The following FCHSD2 variants were observed in gnomAD, a reference collection of about 807,000 sequenced individuals.
The protein encoded by FCHSD2 is FCH and double SH3 domains 2, also known as F-BAR and double SH3 domains protein 2.
FCHSD2 carries 38 observed loss-of-function variants against 108.1 expected under a neutral mutation model. That is an observed-to-expected ratio of 0.35 (90% CI 0.27 to 0.46). The LOEUF is 0.46. FCHSD2 is among the 20% of genes least tolerant of loss of function. The pLI, the probability that FCHSD2 is intolerant of heterozygous loss-of-function variation, is 1.00. For synonymous variants in FCHSD2, 279 were observed against 314.7 expected (o/e 0.89, Z 1.20); for missense variants, 751 against 897.8 (o/e 0.84, Z 2.09).
chr11:73,106,175 T>C (rs1860337388), intron 2 of FCHSD2, among the ~76,000 whole-genome samples: 2 of 151,796 alleles, frequency 1.3e-5, no homozygotes, highest in Non-Finnish European at 2.9e-5. Flanking sequence ...GGGAGAAACA[T>C]AAAAGGAGGA....
intron 3 of FCHSD2, among the ~76,000 whole-genome samples, chr11:73,074,494 A>C (rs117181194): frequency 0.038 from 5,841 of 152,324 alleles, 137 homozygotes; most frequent in Non-Finnish European, 0.059. Context: ...TGAAATATTA[A>C]ACAATAAAAA....
chr11:72,971,125 C>A (rs1044837324), intron 8 of FCHSD2, among the ~76,000 whole-genome samples: 1 of 152,020 alleles, frequency 6.6e-6, no homozygotes, highest in African/African-American at 2.4e-5. Context: ...AGCCACTGAG[C>A]CTTACAGTCA....
intron 13 of FCHSD2, among the ~76,000 whole-genome samples, chr11:72,853,726 T>G (rs1326618776): frequency 6.6e-6 from 1 of 151,990 alleles, no homozygotes; most frequent in Non-Finnish European, 1.5e-5. Context: ...AACAGATAAA[T>G]TGAACCTTAT....
intron 3 of FCHSD2, among the ~76,000 whole-genome samples, chr11:73,016,315 A>C (rs1006514665): frequency 9.7e-4 from 148 of 152,084 alleles, no homozygotes; most frequent in African/African-American, 3.3e-3. Flanking sequence ...AAAAAAAAAA[A>C]AACAAAACCC....
intron 3 of FCHSD2, among the ~76,000 whole-genome samples, chr11:73,048,410 G>C (rs1226733617): frequency 6.6e-6 from 1 of 152,188 alleles, no homozygotes; most frequent in African/African-American, 2.4e-5. Context: ...GGCTTGGTTA[G>C]CTGTGTATGG....
chr11:72,931,146 A>C (rs1370691654), intron 8 of FCHSD2, among the ~76,000 whole-genome samples: 20 of 144,732 alleles, frequency 1.4e-4, no homozygotes, highest in Admixed American at 1.2e-3. Flanking sequence ...CCTAGGCTGG[A>C]GTGTAGTGGT....
intron 9 of FCHSD2, among the ~76,000 whole-genome samples, chr11:72,906,118 A>T (rs1282314449): frequency 6.6e-6 from 1 of 151,984 alleles, no homozygotes; most frequent in East Asian, 1.9e-4. Flanking sequence ...CTTTTTAATG[A>T]TCGCCATTCT....
chr11:72,924,834 G>A (rs1157144620), intron 8 of FCHSD2, among the ~76,000 whole-genome samples: 7 of 152,052 alleles, frequency 4.6e-5, no homozygotes, highest in South Asian at 2.1e-4. Context: ...ATGTAATTAT[G>A]TAACATAACC....
chr11:73,126,611 ATC>A (rs1860865812), intron 2 of FCHSD2, among the ~76,000 whole-genome samples: 1 of 145,712 alleles, frequency 6.9e-6, no homozygotes, highest in Non-Finnish European at 1.5e-5. Context: ...CTTTTATAAT[ATC>A]TGTTAAATAT....
chr11:73,136,031 G>A (rs983587385), intron 2 of FCHSD2, among the ~76,000 whole-genome samples: 1 of 151,894 alleles, frequency 6.6e-6, no homozygotes, highest in Non-Finnish European at 1.5e-5. Context: ...ATGGTGGCAC[G>A]TGCCTATAGT....
chr11:72,934,116 A>AT (rs1856251651), intron 8 of FCHSD2, among the ~76,000 whole-genome samples: 2 of 149,956 alleles, frequency 1.3e-5, no homozygotes, highest in Admixed American at 6.6e-5. Context: ...CTCAGAAAAA[A>AT]AAAAAAAAAA....
At chr11:72,866,462 G>A (rs60470955) in intron 13 of FCHSD2, among the ~76,000 whole-genome samples, 6,035 of 152,088 alleles carry the variant, frequency 0.04, 138 homozygotes, top group Non-Finnish European at 0.046. Flanking sequence ...TAGAGACAGC[G>A]TTTCACCATG....
At chr11:73,092,289 G>A (rs550766553) in intron 2 of FCHSD2, among the ~76,000 whole-genome samples, 12 of 151,936 alleles carry the variant, frequency 7.9e-5, no homozygotes, top group East Asian at 3.9e-4. Context: ...CACCACACCC[G>A]GCTAATTTTT....
chr11:73,016,302 CAAA>C (rs113309736), intron 3 of FCHSD2, among the ~76,000 whole-genome samples: 2 of 81,300 alleles, frequency 2.5e-5, no homozygotes, highest in African/African-American at 4.0e-5. Context: ...GGCTCTGTCT[CAAA>C]AAAAAAAAAA....
Position 73,042,317 on chromosome 11 carries a change from C to T in FCHSD2, c.166-26432G>A, listed in dbSNP as rs1019377520. On this transcript the variant is annotated intron_variant, in intron 3 of 19. Transcript: ENST00000409418. ...AGTAGCATTTATTAAAGATGGTATC[C>T]TTTCCCCAATATAAGTTATTGGCAC... 2.6e-5 allele frequency among the ~76,000 whole-genome samples: 4 copies of T among 152,306 alleles called. No individual in the cohort carries two copies. The South Asian group carries it at 6.2e-4, about 24-fold the overall frequency.
Position 72,902,535 on chromosome 11 carries a change from T to G in FCHSD2, c.924+8A>C, listed in dbSNP as rs1357564896. 2 of 1,539,012 alleles carry G rather than the reference T, an allele frequency of 1.3e-6. No homozygotes were observed. The highest frequency in any genetic ancestry group is 2.7e-5 in the African/African-American group (2 of 73,184). On this transcript the variant is annotated splice_region_variant and intron_variant, in intron 10 of 19. Coordinates refer to ENST00000409418, the MANE Select transcript of FCHSD2 (RefSeq NM_014824.3). Reference sequence around the variant, plus strand: ...AACACATGAAATGAAAATCTATAATTCCCTTACAGTATCACTGTCACAAGG... The same window carrying G: ...AACACATGAAATGAAAATCTATAATGCCCTTACAGTATCACTGTCACAAGG...
chr11:73,096,295 C>CT (rs1860073006), intron 2 of FCHSD2, among the ~76,000 whole-genome samples: 1 of 146,200 alleles, frequency 6.8e-6, no homozygotes, highest in Non-Finnish European at 1.5e-5. Flanking sequence ...AATCCCAGCA[C>CT]TTAGGGAGGC....
chr11:73,080,875 C>T (rs747660564), intron 3 of FCHSD2, among the ~76,000 whole-genome samples: 7 of 151,780 alleles, frequency 4.6e-5, no homozygotes, highest in Non-Finnish European at 8.8e-5. Context: ...ACCCAGGAGG[C>T]GGAAGTTGCA....
At chr11:73,124,267 G>A (rs1410923915) in intron 2 of FCHSD2, among the ~76,000 whole-genome samples, 2 of 152,092 alleles carry the variant, frequency 1.3e-5, no homozygotes, top group Non-Finnish European at 2.9e-5. Context: ...TTGTGGGATG[G>A]GGGGACGGGG....
Sources: allele counts gnomAD v4.1 joint callset (sites outside exome capture counted in the v4.1 genomes callset), GRCh38; gene constraint gnomAD v4.1.1; transcripts MANE v1.5; gene names NCBI Gene and HGNC (gene_info 2026-07-23, HGNC 2026-07-21).